The following PECAM1 variants were observed in gnomAD, a reference collection of about 807,000 sequenced individuals.
PECAM1 encodes the protein platelet endothelial cell adhesion molecule.
PECAM1 carries 8 observed loss-of-function variants against 13.8 expected under a neutral mutation model. The ratio of observed to expected loss-of-function variants is 0.58; its 90% CI spans 0.34 to 1.05. The LOEUF (loss-of-function observed/expected upper bound fraction) is 1.05, where lower values mean the gene tolerates loss of function less well. Ranked by LOEUF, PECAM1 falls within the 50% of genes least tolerant of loss-of-function variation. The pLI is 0.03. For missense variants in PECAM1, 304 were observed against 141.2 expected (o/e 2.15, Z -5.84); for synonymous variants, 136 against 52.6 (o/e 2.58, Z -6.86).
At chr17:64,329,239 A>G (rs1378254532) in intron 15 of PECAM1, among the ~76,000 whole-genome samples, 1 of 152,066 alleles carries the variant, frequency 6.6e-6, no homozygotes, top group Non-Finnish European at 1.5e-5. Flanking sequence ...ATGATAAGTG[A>G]TCACATGTCT....
At chr17:64,327,525 AG>A (rs797024699) in intron 15 of PECAM1, among the ~76,000 whole-genome samples, 1 of 152,236 alleles carries the variant, frequency 6.6e-6, no homozygotes, top group South Asian at 2.1e-4. Flanking sequence ...GCCTCCAGGA[AG>A]GGGGGAGGCG....
intron 14 of PECAM1, among the ~76,000 whole-genome samples, chr17:64,330,125 C>T (rs1168056090): frequency 3.3e-5 from 5 of 151,984 alleles, no homozygotes; most frequent in Admixed American, 3.3e-4. Context: ...AAGGAATTCT[C>T]CTGCCTCAGC....
At position 64,329,602 on chromosome 17, in the gene PECAM1, G is replaced by A. The variant is rs1268512692; in HGVS notation, c.2187+98C>T. 4.5e-5 allele frequency: 32 copies of A among 709,052 alleles called. No homozygotes were observed. In the East Asian group the frequency reaches 8.3e-4, roughly 18 times the overall value. The allele number at this position is 709,052 out of a possible 1,614,324, so 43.9% of individuals were successfully genotyped here. The stretch of plus-strand genomic sequence containing the variant: ...GGTCTGAAACAGACTAGGGAGCGGG[G>A]AAGAATTCATGTGAATGCAGGACGT... On this transcript the variant is annotated intron_variant, in intron 15 of 15. Coordinates refer to ENST00000563924, the MANE Select transcript of PECAM1 (RefSeq NM_000442.5).
rs952229505 is a variant in PECAM1 at position 64,369,913 on chromosome 17, T to G, written c.804A>C (p.Pro268=). ...IQVTHLAQEF[P]EIIIQKDKAI... is the part of the protein sequence containing the mutation. ...CCTTGTCCTTCTGAATTATGATTTC[T>G]GGAAACTCCTGGGCCAGGTGAGTCA... Residue 268 remains proline (P), a synonymous_variant, in exon 5 of 16, where the codon CCA becomes CCC. Coordinates refer to ENST00000563924, the MANE Select transcript of PECAM1 (RefSeq NM_000442.5). The G allele has an allele frequency of 2.1e-3, 833 of 398,700 alleles. 1 individual carries two copies. The highest frequency in any genetic ancestry group is 2.9e-3 in the Non-Finnish European group (666 of 226,126). 24.7% of individuals were successfully genotyped at this position (398,700 alleles called of 1,614,324 possible). A position where few individuals can be genotyped will look rare whatever the true frequency, so the allele number is the denominator to read the frequency against.
intron 2 of PECAM1, among the ~76,000 whole-genome samples, chr17:64,385,661 G>T (rs1172160149): frequency 3.3e-5 from 5 of 152,168 alleles, no homozygotes; most frequent in African/African-American, 7.2e-5. Flanking sequence ...AGCAAAGGTT[G>T]CTGGGGCCCA....
intron 7 of PECAM1, among the ~76,000 whole-genome samples, chr17:64,356,969 G>A (rs2035860766): frequency 6.6e-6 from 1 of 152,132 alleles, no homozygotes; most frequent in African/African-American, 2.4e-5. Context: ...AAACTGGGAA[G>A]GTCACTTGAT....
At position 64,321,369 on chromosome 17, in the gene PECAM1, G is replaced by C; in HGVS notation, c.*2447C>G. 1 of 934,194 alleles carries C rather than the reference G, an allele frequency of 1.1e-6. No homozygotes were observed. Among genetic ancestry groups the C allele is most frequent in the Non-Finnish European group, 1.3e-6 (1 of 782,964 alleles). The allele number at this position is 934,194 out of a possible 1,614,324, so 57.9% of individuals were successfully genotyped here. A position where few individuals can be genotyped will look rare whatever the true frequency, so the allele number is the denominator to read the frequency against. Reference sequence around the variant, plus strand: ...AAAGCCAGCGTCCTGGATTCAGACAGACCTTTTAGCCATTAAATCCACTAA... The same window carrying C: ...AAAGCCAGCGTCCTGGATTCAGACACACCTTTTAGCCATTAAATCCACTAA... On this transcript the variant is annotated 3_prime_UTR_variant, in exon 16 of 16. Coordinates refer to ENST00000563924, the MANE Select transcript of PECAM1 (RefSeq NM_000442.5).
At chr17:64,349,207 A>T (rs2035654476) in intron 12 of PECAM1, among the ~76,000 whole-genome samples, 1 of 152,218 alleles carries the variant, frequency 6.6e-6, no homozygotes, top group African/African-American at 2.4e-5. Flanking sequence ...TTTGTCTTCA[A>T]GTCAAAAATA....
In PECAM1 at chr17:64,357,553, G is replaced by C. The variant is rs2035873786; in HGVS notation, c.1493-1155C>G. ...CAGCAGATGGTATTGTAACTTATGA[G>C]TCACTCTCCTGTGAGTGCAGGCTGT... On this transcript the variant is annotated intron_variant, in intron 7 of 15. Transcript: ENST00000563924. 4.6e-5 allele frequency among the ~76,000 whole-genome samples: 7 copies of C among 152,168 alleles called. No homozygotes were observed. In the South Asian group the frequency reaches 1.4e-3, roughly 31 times the overall value.
At chr17:64,380,285 G>A (rs1031916591) in intron 2 of PECAM1, among the ~76,000 whole-genome samples, 4 of 152,044 alleles carry the variant, frequency 2.6e-5, no homozygotes, top group Admixed American at 1.3e-4. Flanking sequence ...CTGAGATCGC[G>A]CCATTGCACT....
intron 6 of PECAM1, among the ~76,000 whole-genome samples, chr17:64,361,630 G>A (rs2035982648): frequency 6.6e-6 from 1 of 151,344 alleles, no homozygotes; most frequent in African/African-American, 2.4e-5. Context: ...GCACATGCCT[G>A]TAATCCTAGC....
At chr17:64,346,537 T>C (rs1348827407) in intron 13 of PECAM1, among the ~76,000 whole-genome samples, 2 of 152,266 alleles carry the variant, frequency 1.3e-5, no homozygotes, top group South Asian at 2.1e-4. Flanking sequence ...GGTTTCACCA[T>C]GTTGGCCAGG....
At chr17:64,334,581 T>A (rs2035218620) in intron 14 of PECAM1, among the ~76,000 whole-genome samples, 1 of 151,958 alleles carries the variant, frequency 6.6e-6, no homozygotes, top group Non-Finnish European at 1.5e-5. Context: ...CGATCTTGGC[T>A]CACTGCAAGC....
At chr17:64,340,618 G>A (rs936063503) in intron 14 of PECAM1, among the ~76,000 whole-genome samples, 13 of 151,928 alleles carry the variant, frequency 8.6e-5, no homozygotes, top group Non-Finnish European at 2.9e-5. Flanking sequence ...CCCCCCCACC[G>A]AAAAAAAGGA....
At chr17:64,368,667 T>C (rs1349277502) in intron 5 of PECAM1, among the ~76,000 whole-genome samples, 2 of 152,030 alleles carry the variant, frequency 1.3e-5, no homozygotes, top group South Asian at 2.1e-4. Context: ...CTGGACAGCA[T>C]GGTGAAACCC....
rs1479902664 is a variant in PECAM1 at position 64,343,156 on chromosome 17, G to T, written c.2108-1466C>A. ...AGGGTAAGGGGCTTCCTGTGCCATG[G>T]TCAGTGCATTTCCCTCCTCGGAGTG... On this transcript the variant is annotated intron_variant, in intron 13 of 15. Coordinates refer to ENST00000563924, the MANE Select transcript of PECAM1 (RefSeq NM_000442.5). Among the ~76,000 whole-genome samples, 444 of 152,218 alleles carry T rather than the reference G, an allele frequency of 2.9e-3. 2 individuals carry two copies. The highest frequency in any genetic ancestry group is 8.8e-3 in the African/African-American group (366 of 41,532).
chr17:64,374,241 G>A (rs1568034826), intron 4 of PECAM1, among the ~76,000 whole-genome samples: 1 of 152,194 alleles, frequency 6.6e-6, no homozygotes, highest in Non-Finnish European at 1.5e-5. Flanking sequence ...TGTAATCCTA[G>A]CACTTTAGGA....
chr17:64,386,077 A>G (rs1007311809), intron 2 of PECAM1, among the ~76,000 whole-genome samples: 14 of 152,292 alleles, frequency 9.2e-5, no homozygotes, highest in African/African-American at 3.1e-4. Flanking sequence ...GGATGAGGGA[A>G]GGATAGGCTG....
At chr17:64,384,579 T>A (rs111221642) in intron 2 of PECAM1, among the ~76,000 whole-genome samples, 2,636 of 152,322 alleles carry the variant, frequency 0.017, 74 homozygotes, top group African/African-American at 0.059. Flanking sequence ...AGCAGCCCTG[T>A]GGAAGGTACC....
Sources: gnomAD v4.1 joint callset for allele counts (sites outside exome capture counted in the v4.1 genomes callset) on GRCh38, gnomAD v4.1.1 for gene constraint, MANE v1.5 for transcripts, NCBI Gene and HGNC (gene_info 2026-07-23, HGNC 2026-07-21) for gene names.